Variants in ETV6 observed in about 807,000 individuals in gnomAD.
ETV6 encodes the protein transcription factor ETV6.
A neutral mutation model predicts 51.1 loss-of-function variants in ETV6; 16 were observed. The observed-to-expected ratio is 0.31, with a 90% CI of 0.21 to 0.48. The LOEUF (loss-of-function observed/expected upper bound fraction) is 0.48. Ranked by LOEUF, ETV6 falls within the 20% of genes least tolerant of loss-of-function variation. The pLI is 0.99. For missense variants in ETV6, 458 were observed against 594.8 expected (o/e 0.77, Z 2.39); for synonymous variants, 240 against 224.1 (o/e 1.07, Z -0.64).
intron 2 of ETV6, among the ~76,000 whole-genome samples, chr12:11,776,978 C>A (rs532598671): frequency 6.6e-6 from 1 of 152,340 alleles, no homozygotes; most frequent in South Asian, 2.1e-4. Context: ...GTGGCTCACG[C>A]CTGTAATCCC....
At chr12:11,793,804 G>C (rs958431245) in intron 2 of ETV6, among the ~76,000 whole-genome samples, 4 of 152,252 alleles carry the variant, frequency 2.6e-5, no homozygotes, top group African/African-American at 9.6e-5. Flanking sequence ...GCATGGCAAA[G>C]AAAGCCAGGA....
chr12:11,826,294 T>C (rs1946152333), intron 2 of ETV6: 1 of 152,296 alleles, frequency 6.6e-6, no homozygotes, highest in East Asian at 1.9e-4. Context: ...ACTCATGCTC[T>C]TCACAGATTT....
chr12:11,837,495 G>A (rs185241539), intron 2 of ETV6, among the ~76,000 whole-genome samples: 7 of 152,254 alleles, frequency 4.6e-5, no homozygotes, highest in Admixed American at 3.3e-4. Context: ...AGACAATCAT[G>A]CCCAGAGGCC....
At chr12:11,687,230 A>G (rs1457570488) in intron 1 of ETV6, among the ~76,000 whole-genome samples, 7 of 82,752 alleles carry the variant, frequency 8.5e-5, no homozygotes, top group African/African-American at 2.5e-4. Flanking sequence ...TTTTTTTTTC[A>G]GCTCACTGCA....
chr12:11,743,972 G>A (rs1294891230), intron 1 of ETV6, among the ~76,000 whole-genome samples: 1 of 152,164 alleles, frequency 6.6e-6, no homozygotes, highest in African/African-American at 2.4e-5. Flanking sequence ...AATAGTTAAG[G>A]CTCAGGTTCC....
chr12:11,706,065 A>G (rs1045639076), intron 1 of ETV6, among the ~76,000 whole-genome samples: 1 of 152,224 alleles, frequency 6.6e-6, no homozygotes, highest in Admixed American at 6.5e-5. Context: ...GTCCCCTGCC[A>G]GGACTTCTTT....
intron 3 of ETV6, among the ~76,000 whole-genome samples, chr12:11,853,136 G>A (rs577531636): frequency 6.0e-4 from 91 of 152,326 alleles, no homozygotes; most frequent in African/African-American, 2.1e-3. Context: ...GTAGTGAGCC[G>A]AGATCGTGCC....
intron 2 of ETV6, among the ~76,000 whole-genome samples, chr12:11,778,301 C>CGCACACGCGTGT (rs1945362562): frequency 6.6e-6 from 1 of 152,194 alleles, no homozygotes; most frequent in African/African-American, 2.4e-5. Flanking sequence ...GCCTGGCGAG[C>CGCACACGCGTGT]GCACACGCGT....
At chr12:11,823,247 C>T (rs1159801792) in intron 2 of ETV6, among the ~76,000 whole-genome samples, 7 of 152,162 alleles carry the variant, frequency 4.6e-5, no homozygotes, top group African/African-American at 1.4e-4. Flanking sequence ...AGATGCAATT[C>T]ATCACTGAAC....
chr12:11,663,529 A>T (rs2856303), intron 1 of ETV6, among the ~76,000 whole-genome samples: 116,324 of 152,144 alleles, frequency 0.76, 48,364 homozygotes, highest in Non-Finnish European at 0.91. Flanking sequence ...GGAAAAGATT[A>T]CACAAAATCC....
intron 1 of ETV6, among the ~76,000 whole-genome samples, chr12:11,746,922 G>A (rs1357894242): frequency 6.6e-6 from 1 of 151,618 alleles, no homozygotes; most frequent in African/African-American, 2.4e-5. Flanking sequence ...CTGATTTTAG[G>A]ATGTAACCAT....
intron 2 of ETV6, among the ~76,000 whole-genome samples, chr12:11,813,167 C>A (rs758983334): frequency 2.6e-4 from 40 of 152,242 alleles, no homozygotes; most frequent in Non-Finnish European, 4.8e-4. Context: ...CAAAGAGATA[C>A]AGGAAATCAG....
At chr12:11,681,654 A>G (rs765828566) in intron 1 of ETV6, among the ~76,000 whole-genome samples, 1 of 152,120 alleles carries the variant, frequency 6.6e-6, no homozygotes, top group African/African-American at 2.4e-5. Flanking sequence ...TACACGTGCC[A>G]TGGTAGTTTG....
At chr12:11,795,691 C>T (rs769804983) in intron 2 of ETV6, among the ~76,000 whole-genome samples, 1 of 152,194 alleles carries the variant, frequency 6.6e-6, no homozygotes, top group Non-Finnish European at 1.5e-5. Context: ...GAACAAGGTG[C>T]AGTTTCCATG....
chr12:11,867,292 G>A (rs140221754), intron 4 of ETV6, among the ~76,000 whole-genome samples: 4 of 152,124 alleles, frequency 2.6e-5, no homozygotes, highest in African/African-American at 7.2e-5. Context: ...CTTGCTTTTC[G>A]TATCTAACCA....
At chr12:11,813,772 A>C (rs1219102694) in intron 2 of ETV6, among the ~76,000 whole-genome samples, 1 of 152,244 alleles carries the variant, frequency 6.6e-6, no homozygotes, top group Non-Finnish European at 1.5e-5. Flanking sequence ...TGTTCCTTGG[A>C]TTTAGGACAG....
intron 2 of ETV6, among the ~76,000 whole-genome samples, chr12:11,807,718 G>C (rs1945849467): frequency 6.6e-6 from 1 of 152,178 alleles, no homozygotes; most frequent in South Asian, 2.1e-4. Context: ...ATATGTAAAT[G>C]AACCACCTTT....
In ETV6 at chr12:11,869,968, A is replaced by T. The variant is rs1184081306; in HGVS notation, c.1008A>T (p.Ala336=). 6.3e-7 allele frequency: 1 copy of T among 1,598,518 alleles called. No homozygotes were observed. The highest frequency in any genetic ancestry group is 1.7e-5 in the Admixed American group (1 of 59,706). The part of the protein sequence containing the change: ...EEHAMPIGRI[A]DCRLLWDYVY... ...ACGCCATGCCCATTGGGAGAATAGCAGGTGAGTGAGTTCCCCTCTCGCCGC... is the reference window on the plus strand; with the variant it reads ...ACGCCATGCCCATTGGGAGAATAGCTGGTGAGTGAGTTCCCCTCTCGCCGC... The change falls in exon 5 of 8, where the codon GCA becomes GCT. Residue 336 remains alanine, a splice_region_variant and synonymous_variant. Transcript: ENST00000396373. This position sits in a 1 kb window ranked among gnomAD's most constrained non-coding sequence, Gnocchi z 5.0.
intron 4 of ETV6, among the ~76,000 whole-genome samples, chr12:11,865,894 G>A (rs939078078): frequency 6.6e-5 from 10 of 151,686 alleles, no homozygotes; most frequent in East Asian, 1.9e-4. Flanking sequence ...TTGGACCTTC[G>A]AATTTACTGT....
Sources: gnomAD v4.1 joint callset for allele counts (sites outside exome capture counted in the v4.1 genomes callset) on GRCh38, gnomAD v4.1.1 for gene constraint, Gnocchi (gnomAD v3.1) non-coding constraint, MANE v1.5 for transcripts, NCBI Gene and HGNC (gene_info 2026-07-23, HGNC 2026-07-21) for gene names.